The following C4orf50 variants were observed in gnomAD, a reference collection of about 807,000 sequenced individuals.
The protein encoded by C4orf50 is chromosome 4 open reading frame 50.
C4orf50 carries 80 observed loss-of-function variants against 77.2 expected under a neutral mutation model. That is an observed-to-expected ratio of 1.04 (90% CI 0.87 to 1.25). C4orf50 has a LOEUF of 1.25. C4orf50 is among the 50% of genes most tolerant of loss of function. The pLI is 0.00. For missense variants in C4orf50, 1,257 were observed against 1,152.9 expected (o/e 1.09, Z -1.31); for synonymous variants, 532 against 465.3 (o/e 1.14, Z -1.84).
chr4:5,965,290 T>C, intron 32 of C4orf50, 145 bp from the exon 11 acceptor site: 1 of 763,802 alleles, frequency 1.3e-6, no homozygotes, highest in African/African-American at 1.8e-5. Flanking sequence ...AGAGGTCCTC[T>C]CAGATGCCTT....
chr4:5,989,223 T>TA lies in C4orf50; in HGVS notation c.2822dup (p.Leu941PhefsTer3). 1 of 1,536,090 alleles carries TA rather than the reference T, an allele frequency of 6.5e-7. No individual in the cohort carries two copies. Among genetic ancestry groups the TA allele is most frequent in the Non-Finnish European group, 8.7e-7 (1 of 1,146,898 alleles). Reference sequence around the variant, plus strand: ...CTCCGTGAAGTTTGGTGTTGTCATGTAAAATCTGGCTTCTCTGTTTCTTCA... The same window carrying TA: ...CTCCGTGAAGTTTGGTGTTGTCATGTAAAAATCTGGCTTCTCTGTTTCTTCA... On this transcript the variant is annotated frameshift_variant, in exon 28 of 34. Transcript: ENST00000531445. LOFTEE classifies it high-confidence loss of function.
chr4:5,918,235 CG>C (rs1717116124), intron 7 of C4orf50, among the ~76,000 whole-genome samples: 1 of 152,148 alleles, frequency 6.6e-6, no homozygotes, highest in African/African-American at 2.4e-5. Flanking sequence ...GCAGAAAGAA[CG>C]TCAGCCAGTT....
chr4:5,941,512 C>T (rs544636783), intron 7 of C4orf50, among the ~76,000 whole-genome samples: 12 of 152,156 alleles, frequency 7.9e-5, no homozygotes, highest in East Asian at 3.8e-4. Context: ...CTGTGTAAGA[C>T]GATAGGTAGA....
At chr4:5,917,978 C>T (rs1454576555) in intron 7 of C4orf50, among the ~76,000 whole-genome samples, 4 of 152,006 alleles carry the variant, frequency 2.6e-5, no homozygotes, top group African/African-American at 9.7e-5. Context: ...GGGACTGGCC[C>T]GACGCAAATG....
At chr4:5,918,678 C>T (rs1000000289) in intron 7 of C4orf50, among the ~76,000 whole-genome samples, 1 of 152,174 alleles carries the variant, frequency 6.6e-6, no homozygotes. Context: ...TTTGCTGCAT[C>T]CAAGCATCCC....
At chr4:5,939,385 G>A (rs16837871) in intron 7 of C4orf50, among the ~76,000 whole-genome samples, 37,743 of 152,024 alleles carry the variant, frequency 0.25, 6,237 homozygotes, top group African/African-American at 0.47. Context: ...TTTCTCCACA[G>A]GGATCCAAAA....
intron 7 of C4orf50, among the ~76,000 whole-genome samples, chr4:5,912,576 G>C (rs1483535728): frequency 1.3e-5 from 2 of 152,118 alleles, no homozygotes; most frequent in Non-Finnish European, 2.9e-5. Context: ...CCAGTATTTT[G>C]TTTTAATAGG....
chr4:5,964,874 G>T lies in C4orf50; in HGVS notation c.4275+150C>A, dbSNP rs1719479653. On this transcript the variant is annotated intron_variant, in intron 33 of 33. Transcript: ENST00000531445. The stretch of plus-strand genomic sequence containing the variant: ...GAAGGAGACTGAGGGTGAAACCAGG[G>T]GGCTGTTCGGGAGTCGATTGTGTTC... 4.9e-6 allele frequency: 3 copies of T among 611,828 alleles called. No individual in the cohort carries two copies. In the South Asian group the frequency reaches 7.3e-5, roughly 15 times the overall value. 37.9% of individuals were successfully genotyped at this position (611,828 alleles called of 1,614,324 possible). A position where few individuals can be genotyped will look rare whatever the true frequency, so the allele number is the denominator to read the frequency against.
chr4:5,907,419 G>C (rs542347046), intron 7 of C4orf50, among the ~76,000 whole-genome samples: 1 of 152,266 alleles, frequency 6.6e-6, no homozygotes, highest in South Asian at 2.1e-4. Flanking sequence ...GCAATAAATA[G>C]GATAGATCAC....
intron 7 of C4orf50, among the ~76,000 whole-genome samples, chr4:5,920,990 C>G (rs536433983): frequency 3.3e-5 from 5 of 152,214 alleles, no homozygotes; most frequent in Non-Finnish European, 7.3e-5. Context: ...GACAGTCACC[C>G]TCATGCTGAA....
chr4:5,936,482 A>T (rs1401058852), intron 7 of C4orf50, among the ~76,000 whole-genome samples: 1 of 146,920 alleles, frequency 6.8e-6, no homozygotes, highest in African/African-American at 2.5e-5. Flanking sequence ...GAATTGCTTG[A>T]ACCCAGGAGG....
At chr4:5,928,491 A>G (rs1478303889) in intron 7 of C4orf50, among the ~76,000 whole-genome samples, 1 of 152,186 alleles carries the variant, frequency 6.6e-6, no homozygotes, top group Non-Finnish European at 1.5e-5. Context: ...TGTTCTGACC[A>G]AGTGCTTATG....
intron 23 of C4orf50, among the ~76,000 whole-genome samples, chr4:6,012,847 C>T (rs1298986230): frequency 1.3e-5 from 2 of 152,214 alleles, no homozygotes; most frequent in African/African-American, 4.8e-5. Context: ...TCCAAGTCCC[C>T]TTAATGTGTC....
chr4:5,998,133 G>A (rs970962255), intron 25 of C4orf50, among the ~76,000 whole-genome samples: 1 of 152,156 alleles, frequency 6.6e-6, no homozygotes, highest in Non-Finnish European at 1.5e-5. Context: ...CTTCCAAAGG[G>A]ATATGTTCAT....
chr4:5,908,986 G>C lies in C4orf50; in HGVS notation c.*2475-10798C>G, dbSNP rs529585848. Among the ~76,000 whole-genome samples the C allele has an allele frequency of 7.2e-5, 11 of 152,288 alleles. No homozygotes were observed. The East Asian group carries it at 1.7e-3, about 24-fold the overall frequency. On this transcript the variant is annotated intron_variant, in intron 7 of 7. Coordinates refer to the C4orf50 transcript ENST00000324058. The surrounding 1 kb of genome is among the most constrained non-coding windows in gnomAD (Gnocchi z 5.6). ...ATGACTGCCTCTTAGCTGGACCACA[G>C]AGAGTTTCCTAACCAGGCTCCCTGC...
At chr4:5,976,279 A>G (rs2108777662) in intron 29 of C4orf50, among the ~76,000 whole-genome samples, 2 of 151,114 alleles carry the variant, frequency 1.3e-5, no homozygotes, top group Admixed American at 1.3e-4. Flanking sequence ...CCCCATCTCT[A>G]CTAAAAAAAA....
At chr4:5,976,088 G>A in intron 29 of C4orf50, 133 bp from the exon 8 acceptor site, 1 of 683,032 alleles carries the variant, frequency 1.5e-6, no homozygotes, top group East Asian at 2.7e-5. Context: ...TCAGTGCCAG[G>A]AACAGGGGCC....
intron 33 of C4orf50, 58 bp from the exon 12 acceptor site, chr4:5,959,684 C>T: frequency 2.6e-6 from 4 of 1,549,958 alleles, no homozygotes; most frequent in Middle Eastern, 1.8e-4. Flanking sequence ...AAAAGCCCCT[C>T]CATTCACACA....
chr4:5,989,886 G>T, exon 28 of C4orf50: 2 of 1,436,908 alleles, frequency 1.4e-6, no homozygotes, highest in East Asian at 2.5e-5. Flanking sequence ...TGTCCTCCAG[G>T]CTTCCTCCTT....
Sources: gnomAD v4.1 joint callset for allele counts (sites outside exome capture counted in the v4.1 genomes callset) on GRCh38, gnomAD v4.1.1 for gene constraint, Gnocchi (gnomAD v3.1) non-coding constraint, MANE v1.5 for transcripts, NCBI Gene and HGNC (gene_info 2026-07-23, HGNC 2026-07-21) for gene names.